The following TGM5 variants were observed in gnomAD, a reference collection of about 807,000 sequenced individuals.
TGM5 encodes transglutaminase 5.
Under a neutral mutation model 77.2 loss-of-function variants are expected in TGM5, and 69 were observed. That is an observed-to-expected ratio of 0.89 (90% CI 0.74 to 1.09). TGM5 has a LOEUF of 1.09. TGM5 is among the 50% of genes least tolerant of loss of function. The probability of loss-of-function intolerance (pLI) is 0.00; values close to 1 mark genes in which losing one functional copy is unlikely to be tolerated. For missense variants in TGM5, 842 were observed against 896.5 expected (o/e 0.94, Z 0.78); for synonymous variants, 346 against 351.8 (o/e 0.98, Z 0.18).
chr15:43,254,607 C>T (rs1483039849), intron 4 of TGM5, among the ~76,000 whole-genome samples: 2 of 152,286 alleles, frequency 1.3e-5, no homozygotes, highest in South Asian at 2.1e-4. Context: ...GATCTGGCCC[C>T]AACCTACCTC....
intron 3 of TGM5, among the ~76,000 whole-genome samples, chr15:43,257,517 G>C (rs2042750911): frequency 6.6e-6 from 1 of 152,188 alleles, no homozygotes; most frequent in South Asian, 2.1e-4. Context: ...GCCATTGAAA[G>C]TAATGGAGCT....
intron 7 of TGM5, among the ~76,000 whole-genome samples, chr15:43,239,917 G>T (rs535341580): frequency 6.6e-6 from 1 of 152,268 alleles, no homozygotes; most frequent in African/African-American, 2.4e-5. Flanking sequence ...GGTCAGAACT[G>T]TTGGGACTCA....
chr15:43,233,215 A>G lies in TGM5; in HGVS notation c.2139T>C (p.Asn713=), dbSNP rs1022045332. 1.2e-6 allele frequency: 2 copies of G among 1,614,054 alleles called. No individual in the cohort carries two copies. Among genetic ancestry groups the G allele is most frequent in the Non-Finnish European group, 1.7e-6 (2 of 1,180,034 alleles). Reference sequence around the variant, plus strand: ...TTTATAATGCAAAGTCTACATAAACATTCCTGTAACCCTTAATGTCCTTAA... The same window carrying G: ...TTTATAATGCAAAGTCTACATAAACGTTCCTGTAACCCTTAATGTCCTTAA... ...NKFKDIKGYR[N]VYVDFAL is the part of the protein sequence containing the mutation. Residue 713 remains asparagine (N), a synonymous_variant, in exon 13 of 13, where the codon AAT becomes AAC. Transcript: ENST00000220420.
intron 9 of TGM5, among the ~76,000 whole-genome samples, chr15:43,236,444 C>G (rs1010063268): frequency 6.6e-6 from 1 of 152,182 alleles, no homozygotes; most frequent in African/African-American, 2.4e-5. Flanking sequence ...CTTCCCTGCT[C>G]TATCCTGGGG....
chr15:43,233,776 G>C (rs572719129), intron 11 of TGM5, 89 bp from the exon 12 acceptor site: 14 of 1,467,986 alleles, frequency 9.5e-6, no homozygotes, highest in Non-Finnish European at 1.3e-5. Context: ...AAGGTGGCAG[G>C]ATATGCCACC....
At chr15:43,254,411 G>A (rs1196884470) in intron 4 of TGM5, among the ~76,000 whole-genome samples, 1 of 152,238 alleles carries the variant, frequency 6.6e-6, no homozygotes, top group African/African-American at 2.4e-5. Flanking sequence ...TAGAATGAGT[G>A]TAAATGAATA....
At chr15:43,266,693 G>A (rs1227648545) in intron 1 of TGM5, 147 bp downstream of exon 1, 17 of 1,045,320 alleles carry the variant, frequency 1.6e-5, no homozygotes, top group Non-Finnish European at 2.5e-5. Context: ...AATGAATACT[G>A]AGGTTTCTGG....
chr15:43,261,854 A>G (rs1455302833), intron 1 of TGM5, among the ~76,000 whole-genome samples: 3 of 152,116 alleles, frequency 2.0e-5, no homozygotes, highest in African/African-American at 7.2e-5. Context: ...CTCTTAATGC[A>G]TTATCAGATT....
chr15:43,259,942 T>C, intron 3 of TGM5, 110 bp downstream of exon 3: 2 of 1,513,842 alleles, frequency 1.3e-6, no homozygotes, highest in South Asian at 1.1e-5. Context: ...TGCAGGGAAT[T>C]GAGGAGGCTC....
At chr15:43,265,007 A>G (rs2042815158) in intron 1 of TGM5, among the ~76,000 whole-genome samples, 1 of 152,162 alleles carries the variant, frequency 6.6e-6, no homozygotes, top group African/African-American at 2.4e-5. Context: ...CTTTTGCAAA[A>G]TCACCCTGTA....
intron 1 of TGM5, among the ~76,000 whole-genome samples, chr15:43,264,396 T>C (rs150017702): frequency 1.0e-3 from 153 of 150,344 alleles, no homozygotes; most frequent in African/African-American, 3.6e-3. Context: ...AACTGAAGAA[T>C]AGATAAACAA....
chr15:43,237,384 T>G (rs1430456827), intron 9 of TGM5, among the ~76,000 whole-genome samples: 1 of 152,010 alleles, frequency 6.6e-6, no homozygotes, highest in Non-Finnish European at 1.5e-5. Context: ...CCAACAGGAG[T>G]TGATGGATAA....
chr15:43,258,454 TC>T (rs2042759499), intron 3 of TGM5, among the ~76,000 whole-genome samples: 1 of 152,174 alleles, frequency 6.6e-6, no homozygotes, highest in Non-Finnish European at 1.5e-5. Context: ...GGCACAGACG[TC>T]CACTTTGCAG....
At chr15:43,253,016 A>C in intron 5 of TGM5, 80 bp from the exon 6 acceptor site, 1 of 1,482,196 alleles carries the variant, frequency 6.7e-7, no homozygotes, top group Admixed American at 1.7e-5. Flanking sequence ...TGGAAGACCC[A>C]TGGGCCTGAG....
At chr15:43,257,056 T>C (rs1249735661) in intron 3 of TGM5, among the ~76,000 whole-genome samples, 1 of 152,220 alleles carries the variant, frequency 6.6e-6, no homozygotes, top group East Asian at 1.9e-4. Flanking sequence ...TTCTGTGCTT[T>C]TTCTGCTATA....
At chr15:43,261,089 T>TTTTTTG (rs2042785869) in intron 1 of TGM5, among the ~76,000 whole-genome samples, 5 of 119,268 alleles carry the variant, frequency 4.2e-5, no homozygotes, top group African/African-American at 1.7e-4. Flanking sequence ...TTTTTTTTTT[T>TTTTTTG]TTTTTTTTTT....
chr15:43,256,020 C>T (rs2042739815), intron 4 of TGM5, among the ~76,000 whole-genome samples: 1 of 152,098 alleles, frequency 6.6e-6, no homozygotes, highest in Non-Finnish European at 1.5e-5. Flanking sequence ...TATTAACTTT[C>T]ATAATTAAAA....
intron 3 of TGM5, among the ~76,000 whole-genome samples, chr15:43,258,009 A>G (rs1237668954): frequency 1.3e-5 from 2 of 152,136 alleles, no homozygotes; most frequent in Non-Finnish European, 2.9e-5. Context: ...GTTCTCACTC[A>G]TAGGTGGGAA....
intron 9 of TGM5, among the ~76,000 whole-genome samples, chr15:43,236,262 G>A (rs1360587639): frequency 1.3e-5 from 2 of 152,128 alleles, no homozygotes; most frequent in African/African-American, 4.8e-5. Context: ...CAAATGCAGA[G>A]AAATAAACCT....
Sources: gnomAD v4.1 joint callset for allele counts (sites outside exome capture counted in the v4.1 genomes callset) on GRCh38, gnomAD v4.1.1 for gene constraint, MANE v1.5 for transcripts, NCBI Gene and HGNC (gene_info 2026-07-23, HGNC 2026-07-21) for gene names.